CD37: variants seen among roughly 807,000 people sequenced by gnomAD.
CD37 encodes the protein CD37 molecule, also known as leukocyte antigen CD37.
CD37 carries 37 observed loss-of-function variants against 38.9 expected under a neutral mutation model. The ratio of observed to expected loss-of-function variants is 0.95; its 90% confidence interval spans 0.73 to 1.25. The LOEUF is 1.25. CD37 is among the 50% of genes most tolerant of loss of function. The pLI, the probability that CD37 is intolerant of heterozygous loss-of-function variation, is 0.00. For synonymous variants in CD37, 146 were observed against 150.1 expected, an observed-to-expected ratio of 0.97 and a Z score of 0.20; for missense variants, 351 against 360.1, an observed-to-expected ratio of 0.97 and a Z score of 0.20.
intron 4 of CD37, 167 bp from the exon 5 acceptor site, chr19:49,337,758 T>C: frequency 6.5e-7 from 1 of 1,536,644 alleles, no homozygotes; most frequent in Non-Finnish European, 8.7e-7. Context: ...GCCGTAGAAA[T>C]AGTGGAAGAA....
At chr19:49,337,774 AAGAC>A in intron 4 of CD37, 147 bp from the exon 5 acceptor site, 6 of 1,541,302 alleles carry the variant, frequency 3.9e-6, no homozygotes, top group African/African-American at 1.4e-5. Flanking sequence ...AAGAAACAGA[AAGAC>A]AGACCTGAAG....
Position 49,338,798 on chromosome 19 carries a change from C to A in CD37, c.546C>A (p.Tyr182Ter). 6.2e-7 allele frequency: 1 copy of A among 1,613,952 alleles called. No homozygotes were observed. Among genetic ancestry groups the A allele is most frequent in the Non-Finnish European group, 8.5e-7 (1 of 1,180,002 alleles). ...SEAHRVPCSCYNLSATNDSTI... is the reference protein window; with the variant it reads ...SEAHRVPCSC ...CGCACCGCGTGCCCTGCTCCTGCTACAACTTGTCGGCGACCAACGACTCCA... is the reference window on the plus strand; with the variant it reads ...CGCACCGCGTGCCCTGCTCCTGCTAAAACTTGTCGGCGACCAACGACTCCA... The change falls in exon 6 of 8, where the codon TAC (tyrosine) becomes TAA (stop). Residue 182 changes from tyrosine to a stop codon, truncating the protein, a stop_gained. Transcript: ENST00000323906. LOFTEE classifies it high-confidence loss of function. This position sits in a 1 kb window ranked among gnomAD's most constrained non-coding sequence, Gnocchi z 5.0.
In CD37 at chr19:49,339,030, G is replaced by A. The variant is rs1971078174; in HGVS notation, c.684+94G>A. ...TGAGTAGCGGCCTGAGAAAGGGCGG[G>A]GTCTACGAGAAAAGGAAAGGTACGG... On this transcript the variant is annotated intron_variant, in intron 6 of 7. Transcript: ENST00000323906. The surrounding 1 kb of genome is among the most constrained non-coding windows in gnomAD (Gnocchi z 4.5). 11 of 1,050,182 alleles carry A rather than the reference G, an allele frequency of 1.0e-5. No homozygotes were observed. The highest frequency in any genetic ancestry group is 4.7e-5 in the African/African-American group (3 of 63,916). 65.1% of individuals were successfully genotyped at this position (1,050,182 alleles called of 1,614,324 possible).
chr19:49,335,874 C>A lies in CD37; in HGVS notation c.142+88C>A. On this transcript the variant is annotated intron_variant, in intron 2 of 7. Coordinates refer to ENST00000323906, the MANE Select transcript of CD37 (RefSeq NM_001774.3). The surrounding 1 kb of genome is among the most constrained non-coding windows in gnomAD (Gnocchi z 4.6). ...CTTGTCTCAGGGAGACCTACGGTGC[C>A]CTACTCTGCAGGCAGGCTACAGGCT... is the stretch of plus-strand genomic sequence containing the variant. 1 of 1,096,304 alleles carries A rather than the reference C, an allele frequency of 9.1e-7. No homozygotes were observed. Among genetic ancestry groups the A allele is most frequent in the South Asian group, 1.2e-5 (1 of 80,138 alleles). 67.9% of individuals were successfully genotyped at this position (1,096,304 alleles called of 1,614,324 possible).
rs749146543 is a variant in CD37, at chr19:49,337,948, C to T, written c.366C>T (p.Val122=). The T allele has an allele frequency of 1.2e-6, 2 of 1,614,076 alleles. No individual in the cohort carries two copies. The highest frequency in any genetic ancestry group is 1.7e-5 in the Admixed American group (1 of 60,014). ...RAQLERSLRD[V]VEKTIQKYGT... is the part of the protein sequence containing the mutation. The stretch of plus-strand genomic sequence containing the variant: ...AGCTGGAGCGAAGCTTGCGGGACGT[C>T]GTAGAGAAAACCATCCAAAAGTACG... The change falls in exon 5 of 8, where the codon GTC becomes GTT. Residue 122 remains valine (V), a synonymous_variant. Transcript: ENST00000323906.
intron 7 of CD37, 187 bp from the exon 8 acceptor site, chr19:49,340,064 T>G: frequency 7.9e-6 from 12 of 1,516,038 alleles, no homozygotes; most frequent in Non-Finnish European, 1.1e-5. Context: ...GTAGCAGCTA[T>G]TCCCGCCTCA....
Position 49,338,157 on chromosome 19 carries a change from C to A in CD37, c.447+128C>A, listed in dbSNP as rs1971031554. The A allele has an allele frequency of 6.9e-7, 1 of 1,459,516 alleles. No individual in the cohort carries two copies. The highest frequency in any genetic ancestry group is 2.6e-5 in the Admixed American group (1 of 38,720). 90.4% of individuals were successfully genotyped at this position (1,459,516 alleles called of 1,614,324 possible). A position where few individuals can be genotyped will look rare whatever the true frequency, so the allele number is the denominator to read the frequency against. On this transcript the variant is annotated intron_variant, in intron 5 of 7. Transcript: ENST00000323906. This position sits in a 1 kb window ranked among gnomAD's most constrained non-coding sequence, Gnocchi z 5.0. Reference sequence around the variant, plus strand: ...CTAACACACCCCAATCCCTCCCAGGCCCGACGCTCCCCACTCCCCAGATGA... The same window carrying A: ...CTAACACACCCCAATCCCTCCCAGGACCGACGCTCCCCACTCCCCAGATGA...
chr19:49,340,511 G>A lies in CD37; in HGVS notation c.*183G>A. 3.1e-6 allele frequency: 2 copies of A among 641,904 alleles called. No homozygotes were observed. Among genetic ancestry groups the A allele is most frequent in the South Asian group, 3.5e-5 (2 of 56,814 alleles). The allele number at this position is 641,904 out of a possible 1,614,324, so 39.8% of individuals were successfully genotyped here. A position where few individuals can be genotyped will look rare whatever the true frequency, so the allele number is the denominator to read the frequency against. ...CTCTCCCACGGGACCTGGGGCTTTC[G>A]TCCACAGCTTCCTGTCCCCATCTGT... is the stretch of plus-strand genomic sequence containing the variant. On this transcript the variant is annotated 3_prime_UTR_variant, in exon 8 of 8. Coordinates refer to ENST00000323906, the MANE Select transcript of CD37 (RefSeq NM_001774.3).
At position 49,340,463 on chromosome 19, in the gene CD37, C is replaced by T; in HGVS notation, c.*135C>T. On this transcript the variant is annotated 3_prime_UTR_variant, in exon 8 of 8. Coordinates refer to ENST00000323906, the MANE Select transcript of CD37 (RefSeq NM_001774.3). ...CACATTCCCCTGGGGACCCACGTGG[C>T]TGCGTGCCCCTGCTGCTGTCACCTC... 1.4e-6 allele frequency: 1 copy of T among 697,948 alleles called. No individual in the cohort carries two copies. 43.2% of individuals were successfully genotyped at this position (697,948 alleles called of 1,614,324 possible).
At position 49,335,820 on chromosome 19, in the gene CD37, C is replaced by G. The variant is rs1175616314; in HGVS notation, c.142+34C>G. The G allele has an allele frequency of 6.4e-7, 1 of 1,569,984 alleles. No homozygotes were observed. The highest frequency in any genetic ancestry group is 1.1e-5 in the South Asian group (1 of 90,202). On this transcript the variant is annotated intron_variant, in intron 2 of 7. Transcript: ENST00000323906. This position sits in a 1 kb window ranked among gnomAD's most constrained non-coding sequence, Gnocchi z 4.6. ...GGCTGGGGCAGGTGGGAGGGCCTCC[C>G]CCAACCCAAGCAACTTCCTGGGGTC...
At chr19:49,340,141 T>C (rs764564773) in intron 7 of CD37, 110 bp from the exon 8 acceptor site, 5 of 1,507,644 alleles carry the variant, frequency 3.3e-6, no homozygotes, top group African/African-American at 1.4e-5. Context: ...CTCCAGCCCC[T>C]TCCCGCCCAA....
chr19:49,336,825 C>T (rs550800088), intron 2 of CD37, 84 bp from the exon 3 acceptor site: 1 of 1,499,718 alleles, frequency 6.7e-7, no homozygotes, highest in African/African-American at 1.4e-5. Flanking sequence ...TACTGCTCCC[C>T]ACTTGGGTGG....
rs970180275 is a variant in CD37, at chr19:49,339,605, C to A, written c.768+192C>A. ...CTTCAGGGAGCCCTGATTGGGTGTA[C>A]GCAGGGAAAGCCTCCTGCTATTGGC... On this transcript the variant is annotated intron_variant, in intron 7 of 7. Coordinates refer to ENST00000323906, the MANE Select transcript of CD37 (RefSeq NM_001774.3). The surrounding 1 kb of genome is among the most constrained non-coding windows in gnomAD (Gnocchi z 4.5). 6.9e-7 allele frequency: 1 copy of A among 1,439,720 alleles called. No homozygotes were observed. The highest frequency in any genetic ancestry group is 1.4e-5 in the African/African-American group (1 of 69,634). 89.2% of individuals were successfully genotyped at this position (1,439,720 alleles called of 1,614,324 possible). A position where few individuals can be genotyped will look rare whatever the true frequency, so the allele number is the denominator to read the frequency against.
At position 49,338,336 on chromosome 19, in the gene CD37, C is replaced by G. The variant is rs548333327; in HGVS notation, c.447+307C>G. 4.6e-6 allele frequency: 3 copies of G among 658,746 alleles called. No homozygotes were observed. The East Asian group carries it at 8.7e-5, about 19-fold the overall frequency. 40.8% of individuals were successfully genotyped at this position (658,746 alleles called of 1,614,324 possible). ...CCTAGCGAGACACGGCTTCCTACCC[C>G]GTAGTGACTCTGGCTTCCACCGGAC... On this transcript the variant is annotated intron_variant, in intron 5 of 7. Transcript: ENST00000323906. This position sits in a 1 kb window ranked among gnomAD's most constrained non-coding sequence, Gnocchi z 5.0.
intron 3 of CD37, 35 bp downstream of exon 3, chr19:49,337,068 C>G (rs369310469): frequency 6.2e-7 from 1 of 1,613,810 alleles, no homozygotes; most frequent in Non-Finnish European, 8.5e-7. Context: ...CCTAGGAACA[C>G]TCCTATCCCC....
In CD37 at chr19:49,336,980, G is replaced by A. The variant is rs961520984; in HGVS notation, c.214G>A (p.Ala72Thr). 1.5e-5 allele frequency: 24 copies of A among 1,613,956 alleles called. No individual in the cohort carries two copies. Among genetic ancestry groups the A allele is most frequent in the Non-Finnish European group, 2.0e-5 (24 of 1,179,948 alleles). Residue 72 changes from alanine (A) to threonine (T), a missense_variant, in exon 3 of 8, where the codon GCC (alanine) becomes ACC (threonine). Transcript: ENST00000323906. ...CTCAGGAATCTTCACCATGGGCATC[G>A]CCCTCCTGGGTTGTGTGGGGGCCCT... ...AISGIFTMGI[A>T]LLGCVGALKE... is the part of the protein sequence containing the mutation.
intron 4 of CD37, 164 bp from the exon 5 acceptor site, chr19:49,337,761 T>C: frequency 1.3e-6 from 2 of 1,537,330 alleles, no homozygotes; most frequent in Non-Finnish European, 1.7e-6. Flanking sequence ...GTAGAAATAG[T>C]GGAAGAAACA....
rs1970981614 is a variant in CD37, at chr19:49,337,035, T to A, written c.267+2T>A. On this transcript the variant is annotated splice_donor_variant, in intron 3 of 7. Transcript: ENST00000323906. LOFTEE classifies it high-confidence loss of function. The stretch of plus-strand genomic sequence containing the variant: ...GAGCTCCGCTGCCTCCTGGGCCTGG[T>A]GAGTGCACCATCCCTCTCCGTCCCT... 1 of 1,613,156 alleles carries A rather than the reference T, an allele frequency of 6.2e-7. No homozygotes were observed. Among genetic ancestry groups the A allele is most frequent in the Non-Finnish European group, 8.5e-7 (1 of 1,179,482 alleles).
chr19:49,337,234 C>T lies in CD37; in HGVS notation c.342+13C>T. The T allele has an allele frequency of 6.2e-7, 1 of 1,611,728 alleles. No homozygotes were observed. The highest frequency in any genetic ancestry group is 1.1e-5 in the South Asian group (1 of 91,026). On this transcript the variant is annotated intron_variant, in intron 4 of 7. Transcript: ENST00000323906. ...TCAGCGGGCCCAGGTGAGCTTCCTGCAGTGGCCACCACCCACCCCCAGCAG... is the reference window on the plus strand; with the variant it reads ...TCAGCGGGCCCAGGTGAGCTTCCTGTAGTGGCCACCACCCACCCCCAGCAG...
Sources: allele counts gnomAD v4.1 joint callset, GRCh38; gene constraint gnomAD v4.1.1; non-coding constraint Gnocchi (gnomAD v3.1); transcripts MANE v1.5; gene names NCBI Gene and HGNC (gene_info 2026-07-23, HGNC 2026-07-21).